The following ZBTB21 variants were observed in gnomAD, a reference collection of about 807,000 sequenced individuals.
The protein encoded by ZBTB21 is zinc finger and BTB domain-containing protein 21.
In ZBTB21, 10 loss-of-function variants were observed where a neutral mutation model predicts 39.8. The ratio of observed to expected loss-of-function variants is 0.25; its 90% CI spans 0.16 to 0.43. The LOEUF (loss-of-function observed/expected upper bound fraction) is 0.43, where lower values mean the gene tolerates loss of function less well. Among genes scored for constraint, ZBTB21 ranks in the 20% least tolerant of loss-of-function variants. The probability of loss-of-function intolerance (pLI) is 1.00; values close to 1 mark genes in which losing one functional copy is unlikely to be tolerated. For missense variants in ZBTB21, 1,221 were observed against 1,296.3 expected (o/e 0.94, Z 0.89); for synonymous variants, 551 against 498.8 (o/e 1.10, Z -1.40).
At position 41,992,728 on chromosome 21, in the gene ZBTB21, AGCT is replaced by A; in HGVS notation, c.1365_1367del (p.Ala457del). ...CTCTTGTGACCGACGAAGATGAGGC[AGCT>A]GCTGTTGTTGCCGCATCTCCCACAG... On this transcript the variant is annotated inframe_deletion, in exon 3 of 3. Coordinates refer to ENST00000310826, the MANE Select transcript of ZBTB21 (RefSeq NM_001098402.2). The surrounding 1 kb of genome is among the most constrained non-coding windows in gnomAD (Gnocchi z 4.1). The A allele has an allele frequency of 6.2e-7, 1 of 1,614,198 alleles. No individual in the cohort carries two copies. Among genetic ancestry groups the A allele is most frequent in the Non-Finnish European group, 8.5e-7 (1 of 1,180,028 alleles).
In ZBTB21 at chr21:41,993,712, C is replaced by T. The variant is rs1169962099; in HGVS notation, c.384G>A (p.Thr128=). The T allele has an allele frequency of 1.4e-5, 22 of 1,614,034 alleles. No homozygotes were observed. Among genetic ancestry groups the T allele is most frequent in the Non-Finnish European group, 1.6e-5 (19 of 1,180,010 alleles). Residue 128 remains threonine, a synonymous_variant, in exon 3 of 3, where the codon ACG becomes ACA. Coordinates refer to ENST00000310826, the MANE Select transcript of ZBTB21 (RefSeq NM_001098402.2). The stretch of plus-strand genomic sequence containing the variant: ...CAAACACTTTTTTTCTATTAGGACA[C>T]GTTGGAAAGGGGGCTTGAGGTGTTT... ...VSKTPQAPFP[T]CPNRKKVFVE... is the part of the protein sequence containing the mutation.
intron 2 of ZBTB21, among the ~76,000 whole-genome samples, chr21:41,996,185 C>G (rs1052230373): frequency 6.6e-6 from 1 of 152,192 alleles, no homozygotes; most frequent in Non-Finnish European, 1.5e-5. Context: ...CTACCATCTT[C>G]CAGACTCCAG....
chr21:42,000,554 G>T (rs1472710377), intron 2 of ZBTB21, among the ~76,000 whole-genome samples: 1 of 152,112 alleles, frequency 6.6e-6, no homozygotes, highest in Non-Finnish European at 1.5e-5. Context: ...TGAAGCAAAT[G>T]GTATTCCACA....
Position 41,991,921 on chromosome 21 carries a change from G to C in ZBTB21, c.2175C>G (p.Arg725=). The C allele has an allele frequency of 6.2e-7, 1 of 1,614,146 alleles. No individual in the cohort carries two copies. The highest frequency in any genetic ancestry group is 8.5e-7 in the Non-Finnish European group (1 of 1,180,034). Reference sequence around the variant, plus strand: ...GAGAAGAGAGCTTAGCATTACAGAGGCGGCACTGGTAAACCTCCTTGTTTT... The same window carrying C: ...GAGAAGAGAGCTTAGCATTACAGAGCCGGCACTGGTAAACCTCCTTGTTTT... ...PVENKEVYQC[R]LCNAKLSSLL... is the part of the protein sequence containing the mutation. The change falls in exon 3 of 3, where the codon CGC becomes CGG. Residue 725 remains arginine (R), a synonymous_variant. Transcript: ENST00000310826. This position sits in a 1 kb window ranked among gnomAD's most constrained non-coding sequence, Gnocchi z 4.9.
chr21:41,994,197 A>G, intron 2 of ZBTB21, 89 bp from the exon 3 acceptor site: 3 of 1,136,060 alleles, frequency 2.6e-6, no homozygotes, highest in Non-Finnish European at 3.7e-6. Flanking sequence ...CTGTCTTTGC[A>G]TAGGTACCAA....
chr21:41,999,102 A>G (rs1755980272), intron 2 of ZBTB21, among the ~76,000 whole-genome samples: 1 of 152,196 alleles, frequency 6.6e-6, no homozygotes, highest in South Asian at 2.1e-4. Context: ...ATAAGCTTAT[A>G]ATGTTACACG....
At chr21:41,997,604 AAC>A (rs2065766159) in intron 2 of ZBTB21, among the ~76,000 whole-genome samples, 1 of 139,070 alleles carries the variant, frequency 7.2e-6, no homozygotes, top group South Asian at 2.5e-4. Flanking sequence ...AAAACAAAAA[AAC>A]AAAAAAAAGA....
intron 1 of ZBTB21, among the ~76,000 whole-genome samples, chr21:42,005,698 C>T (rs1253664587): frequency 1.3e-5 from 2 of 152,142 alleles, no homozygotes; most frequent in African/African-American, 2.4e-5. Context: ...AAGCTTTGAT[C>T]GCTCACCCAA....
At chr21:41,997,572 T>A (rs1421866869) in intron 2 of ZBTB21, among the ~76,000 whole-genome samples, 1 of 111,748 alleles carries the variant, frequency 8.9e-6, no homozygotes. Flanking sequence ...CAAGACGTTG[T>A]CTCAAAAAAA....
At chr21:42,000,490 C>T (rs117329699) in intron 2 of ZBTB21, among the ~76,000 whole-genome samples, 246 of 152,322 alleles carry the variant, frequency 1.6e-3, no homozygotes, top group Admixed American at 2.9e-3. Flanking sequence ...AGGGCTTGTC[C>T]TGGCCCTTTA....
In ZBTB21 at chr21:41,993,523, G is replaced by A; in HGVS notation, c.573C>T (p.Val191=). 6.2e-7 allele frequency: 1 copy of A among 1,614,198 alleles called. No individual in the cohort carries two copies. Among genetic ancestry groups the A allele is most frequent in the Non-Finnish European group, 8.5e-7 (1 of 1,180,032 alleles). ...TATGAAGTGGTTCTATTGGTTTTGG[G>A]ACATGTGGCTTATTGGTATTGGCCT... is the stretch of plus-strand genomic sequence containing the variant. ...AVKANTNKPH[V]PKPIEPLHNL... The change falls in exon 3 of 3, where the codon GTC becomes GTT. Residue 191 remains valine, a synonymous_variant. Coordinates refer to ENST00000310826, the MANE Select transcript of ZBTB21 (RefSeq NM_001098402.2).
rs1370785910 is a variant in ZBTB21, at chr21:41,987,389, T to C, written c.*3506A>G. The C allele has an allele frequency of 2.0e-5, 3 of 152,124 alleles. No homozygotes were observed. Among genetic ancestry groups the C allele is most frequent in the African/African-American group, 7.2e-5 (3 of 41,410 alleles). The allele number at this position is 152,124 out of a possible 1,614,324, so 9.4% of individuals were successfully genotyped here. On this transcript the variant is annotated 3_prime_UTR_variant, in exon 3 of 3. Transcript: ENST00000310826. ...CGCTGAGATACACTGAAAGAGCATA[T>C]TAAAAATTACAAAAAATTAAACTTC...
chr21:42,009,078 G>C (rs1294523338), intron 1 of ZBTB21: 1 of 152,186 alleles, frequency 6.6e-6, no homozygotes, highest in African/African-American at 2.4e-5. Flanking sequence ...GGACTATTTT[G>C]TAACACACGC....
At chr21:42,005,810 A>G (rs2065871975) in intron 1 of ZBTB21, among the ~76,000 whole-genome samples, 1 of 150,948 alleles carries the variant, frequency 6.6e-6, no homozygotes, top group Non-Finnish European at 1.5e-5. Context: ...GGTGCACCAA[A>G]CAGACAAGAC....
Position 41,987,574 on chromosome 21 carries a change from C to T in ZBTB21, c.*3321G>A, listed in dbSNP as rs989605663. 1.3e-5 allele frequency: 2 copies of T among 152,096 alleles called. No homozygotes were observed. Among genetic ancestry groups the T allele is most frequent in the African/African-American group, 2.4e-5 (1 of 41,392 alleles). 9.4% of individuals were successfully genotyped at this position (152,096 alleles called of 1,614,324 possible). ...TATTGCAGAAACATCACTGAGACAT[C>T]GTAAATTGTCAAACTGACTTGTAAT... On this transcript the variant is annotated 3_prime_UTR_variant, in exon 3 of 3. Transcript: ENST00000310826.
At chr21:42,005,025 T>A (rs2065862597) in intron 1 of ZBTB21, among the ~76,000 whole-genome samples, 1 of 152,226 alleles carries the variant, frequency 6.6e-6, no homozygotes, top group South Asian at 2.1e-4. Flanking sequence ...GTTACTATCT[T>A]GTATTCCATT....
At chr21:42,004,772 C>A (rs574148129) in intron 1 of ZBTB21, among the ~76,000 whole-genome samples, 36 of 152,204 alleles carry the variant, frequency 2.4e-4, no homozygotes, top group African/African-American at 8.2e-4. Context: ...AAGGCAAATA[C>A]CTAGTTAAAA....
At chr21:41,997,500 T>C (rs898998720) in intron 2 of ZBTB21, among the ~76,000 whole-genome samples, 3 of 148,840 alleles carry the variant, frequency 2.0e-5, no homozygotes, top group Non-Finnish European at 3.0e-5. Flanking sequence ...CACTTAAGCC[T>C]GGGAAGTGGA....
At chr21:41,996,262 A>C (rs1041468309) in intron 2 of ZBTB21, among the ~76,000 whole-genome samples, 13 of 152,246 alleles carry the variant, frequency 8.5e-5, no homozygotes, top group African/African-American at 3.1e-4. Flanking sequence ...ATGCCAGCCC[A>C]TAAAAGCAGC....
Sources: allele counts gnomAD v4.1 joint callset (sites outside exome capture counted in the v4.1 genomes callset), GRCh38; gene constraint gnomAD v4.1.1; non-coding constraint Gnocchi (gnomAD v3.1); transcripts MANE v1.5; gene names NCBI Gene and HGNC (gene_info 2026-07-23, HGNC 2026-07-21).